The following STK32B variants were observed in gnomAD, a reference collection of about 807,000 sequenced individuals.
STK32B encodes serine/threonine kinase 32B.
STK32B carries 43 observed loss-of-function variants against 52.6 expected under a neutral mutation model. That is an observed-to-expected ratio of 0.82 (90% CI 0.64 to 1.05). The LOEUF (loss-of-function observed/expected upper bound fraction) is 1.05. Ranked by LOEUF, STK32B falls within the 50% of genes least tolerant of loss-of-function variation. The pLI, the probability that STK32B is intolerant of heterozygous loss-of-function variation, is 0.00. For missense variants in STK32B, 621 were observed against 534.6 expected, an observed-to-expected ratio of 1.16 and a Z score of -1.59; for synonymous variants, 238 against 204.3, an observed-to-expected ratio of 1.17 and a Z score of -1.41.
At chr4:5,046,436 C>T in the STK32B span, among the ~76,000 whole-genome samples, 4 of 152,080 alleles carry the variant, frequency 2.6e-5, no homozygotes, top group African/African-American at 9.7e-5. Flanking sequence ...TAGGCTATAC[C>T]ATTCAGGACA....
intron 1 of STK32B, among the ~76,000 whole-genome samples, chr4:5,054,371 C>T (rs770397871): frequency 6.6e-6 from 1 of 152,018 alleles, no homozygotes; most frequent in Non-Finnish European, 1.5e-5. Context: ...TCTGAAAAGG[C>T]CTCCTCTTTT....
chr4:5,402,819 G>A lies in STK32B; in HGVS notation c.472+4575G>A, dbSNP rs181067434. On this transcript the variant is annotated intron_variant, in intron 5 of 11. Transcript: ENST00000282908. ...CAGGACAGAGCAAGCATGGGGCTGTGGGGCAGCAGAAGGTGGCTGAGGCCA... is the reference window on the plus strand; with the variant it reads ...CAGGACAGAGCAAGCATGGGGCTGTAGGGCAGCAGAAGGTGGCTGAGGCCA... Among the ~76,000 whole-genome samples, 13 of 152,318 alleles carry A rather than the reference G, an allele frequency of 8.5e-5. No homozygotes were observed. In the East Asian group the frequency reaches 2.1e-3, roughly 25 times the overall value.
At chr4:5,181,561 T>C (rs1241973745) in intron 3 of STK32B, among the ~76,000 whole-genome samples, 6 of 152,356 alleles carry the variant, frequency 3.9e-5, no homozygotes, top group South Asian at 4.1e-4. Context: ...GTCGGAAATA[T>C]TGCAGGTTCA....
chr4:5,156,209 C>T (rs1717829219), intron 2 of STK32B, among the ~76,000 whole-genome samples: 1 of 151,580 alleles, frequency 6.6e-6, no homozygotes, highest in Non-Finnish European at 1.5e-5. Context: ...TATGTACATA[C>T]ACTTACACAT....
intron 3 of STK32B, among the ~76,000 whole-genome samples, chr4:5,203,107 C>T (rs1306904029): frequency 6.6e-6 from 1 of 152,110 alleles, no homozygotes; most frequent in East Asian, 1.9e-4. Context: ...TTCAATTTCA[C>T]TCTTCTCTAA....
At chr4:5,491,145 C>G (rs930526530) in intron 11 of STK32B, among the ~76,000 whole-genome samples, 1 of 152,202 alleles carries the variant, frequency 6.6e-6, no homozygotes, top group Non-Finnish European at 1.5e-5. Context: ...TGAAGAATCA[C>G]CACACTGACT....
intron 1 of STK32B, among the ~76,000 whole-genome samples, chr4:5,085,600 A>T (rs938571864): frequency 6.6e-6 from 1 of 152,220 alleles, no homozygotes; most frequent in Non-Finnish European, 1.5e-5. Flanking sequence ...CCAACAGGCC[A>T]TTAGTGAAAA....
In STK32B at chr4:5,380,832, C is replaced by T. The variant is rs1000156882; in HGVS notation, c.435-17375C>T. Among the ~76,000 whole-genome samples, 4 of 152,154 alleles carry T rather than the reference C, an allele frequency of 2.6e-5. No individual in the cohort carries two copies. Among genetic ancestry groups the T allele is most frequent in the Admixed American group, 1.3e-4 (2 of 15,282 alleles). On this transcript the variant is annotated intron_variant, in intron 4 of 11. Transcript: ENST00000282908. This position sits in a 1 kb window ranked among gnomAD's most constrained non-coding sequence, Gnocchi z 4.3. ...AGCCTACAAGTAGAGCTTAGATCTT[C>T]ATGGTGTGGTAAAGAAATTGAGACT...
chr4:5,130,812 T>G (rs2108820954), intron 1 of STK32B, among the ~76,000 whole-genome samples: 1 of 152,310 alleles, frequency 6.6e-6, no homozygotes, highest in South Asian at 2.1e-4. Flanking sequence ...CCACTCATAC[T>G]TCTGTCTTGC....
chr4:5,313,132 G>C (rs74899356), intron 3 of STK32B, among the ~76,000 whole-genome samples: 6,881 of 149,210 alleles, frequency 0.046, 170 homozygotes, highest in South Asian at 0.075. Flanking sequence ...AATTACTTTT[G>C]CTCCAACCTA....
At chr4:5,429,255 C>G (rs1329844356) in intron 6 of STK32B, among the ~76,000 whole-genome samples, 2 of 151,328 alleles carry the variant, frequency 1.3e-5, no homozygotes, top group African/African-American at 2.4e-5. Flanking sequence ...CAGTATCTGT[C>G]TTTTCATTGA....
At chr4:5,023,250 G>T in the STK32B span, among the ~76,000 whole-genome samples, 1 of 152,092 alleles carries the variant, frequency 6.6e-6, no homozygotes, top group Non-Finnish European at 1.5e-5. Flanking sequence ...GGAGTCCCTC[G>T]GTTTGTGGTG....
chr4:5,120,673 A>T (rs1469335428), intron 1 of STK32B, among the ~76,000 whole-genome samples: 1 of 152,142 alleles, frequency 6.6e-6, no homozygotes, highest in African/African-American at 2.4e-5. Context: ...TAGAGATGAT[A>T]TGTGTAGTCA....
intron 3 of STK32B, among the ~76,000 whole-genome samples, chr4:5,177,475 T>C (rs913695540): frequency 1.3e-5 from 2 of 152,104 alleles, no homozygotes; most frequent in African/African-American, 2.4e-5. Flanking sequence ...AACCATATCA[T>C]TCTGCCCCTG....
intron 4 of STK32B, among the ~76,000 whole-genome samples, chr4:5,391,952 C>G (rs921723838): frequency 3.3e-5 from 5 of 152,150 alleles, no homozygotes; most frequent in African/African-American, 9.7e-5. Context: ...ATTGGAACAT[C>G]AAATCTGGAG....
At chr4:5,333,973 C>G (rs1416419584) in intron 4 of STK32B, among the ~76,000 whole-genome samples, 2 of 152,060 alleles carry the variant, frequency 1.3e-5, no homozygotes. Context: ...TTTTTTGGTT[C>G]CATATGAACT....
chr4:5,309,033 A>G (rs1730116024), intron 3 of STK32B, among the ~76,000 whole-genome samples: 1 of 152,170 alleles, frequency 6.6e-6, no homozygotes, highest in African/African-American at 2.4e-5. Context: ...CTTATGGGTG[A>G]TAAATGAATT....
At chr4:5,434,114 G>A (rs1026744192) in intron 6 of STK32B, among the ~76,000 whole-genome samples, 5 of 152,140 alleles carry the variant, frequency 3.3e-5, no homozygotes, top group African/African-American at 1.2e-4. Context: ...GTTCCCTGGT[G>A]CCCAGTGTCC....
intron 3 of STK32B, among the ~76,000 whole-genome samples, chr4:5,318,787 A>G (rs902699425): frequency 4.7e-5 from 7 of 149,614 alleles, no homozygotes; most frequent in Non-Finnish European, 7.4e-5. Flanking sequence ...GCTGTTGAGA[A>G]TAATAAAAAT....
Sources: allele counts gnomAD v4.1 joint callset (sites outside exome capture counted in the v4.1 genomes callset), GRCh38; gene constraint gnomAD v4.1.1; non-coding constraint Gnocchi (gnomAD v3.1); transcripts MANE v1.5; gene names NCBI Gene and HGNC (gene_info 2026-07-23, HGNC 2026-07-21).